The following CLASP2 variants were observed in gnomAD, a reference collection of about 807,000 sequenced individuals.
CLASP2 encodes the protein CLIP-associating protein 2.
In CLASP2, 47 loss-of-function variants were observed where a neutral mutation model predicts 194.4. The observed-to-expected ratio is 0.24, with a 90% CI of 0.19 to 0.31. CLASP2 has a LOEUF of 0.31. Among genes scored for constraint, CLASP2 ranks in the 10% least tolerant of loss-of-function variants. CLASP2 has a pLI of 1.00. For synonymous variants in CLASP2, 619 were observed against 633.5 expected, an observed-to-expected ratio of 0.98 and a Z score of 0.34; for missense variants, 1,445 against 1,823.6, an observed-to-expected ratio of 0.79 and a Z score of 3.78.
chr3:33,654,331 C>T (rs192983862), intron 7 of CLASP2, among the ~76,000 whole-genome samples: 13 of 152,088 alleles, frequency 8.5e-5, no homozygotes, highest in African/African-American at 2.9e-4. Context: ...AATGGAACCA[C>T]GGAAAAAGGA....
At chr3:33,568,381 C>G (rs1166543555) in intron 26 of CLASP2, among the ~76,000 whole-genome samples, 1 of 151,414 alleles carries the variant, frequency 6.6e-6, no homozygotes, top group Non-Finnish European at 1.5e-5. Flanking sequence ...GGTGAGAACC[C>G]GTCTCTACTA....
intron 34 of CLASP2, among the ~76,000 whole-genome samples, chr3:33,531,142 A>G (rs2056199328): frequency 1.3e-5 from 2 of 152,344 alleles, no homozygotes; most frequent in South Asian, 2.1e-4. Context: ...ACATAGAACA[A>G]GAATAGAATA....
intron 38 of CLASP2, 142 bp from the exon 39 acceptor site, chr3:33,498,859 G>T: frequency 2.3e-6 from 1 of 436,240 alleles, no homozygotes; most frequent in Non-Finnish European, 4.0e-6. Context: ...AGTTATTGTT[G>T]ATAATTAGGA....
At chr3:33,531,995 T>C (rs1260492868) in intron 34 of CLASP2, among the ~76,000 whole-genome samples, 1 of 152,114 alleles carries the variant, frequency 6.6e-6, no homozygotes, top group Non-Finnish European at 1.5e-5. Flanking sequence ...AGAACTACCA[T>C]ATGATCCAGC....
chr3:33,592,952 T>A (rs957996300), intron 20 of CLASP2, among the ~76,000 whole-genome samples: 5 of 152,198 alleles, frequency 3.3e-5, no homozygotes, highest in Non-Finnish European at 7.4e-5. Flanking sequence ...AAGGAAGAGA[T>A]ATAATTAGGC....
chr3:33,635,353 A>C (rs1023908140), intron 8 of CLASP2, among the ~76,000 whole-genome samples: 11 of 152,200 alleles, frequency 7.2e-5, no homozygotes, highest in African/African-American at 1.2e-4. Context: ...TGAAGTGTCC[A>C]GTCTTCCCTA....
At position 33,654,943 on chromosome 3, in the gene CLASP2, G is replaced by T. The variant is rs577747746; in HGVS notation, c.715+8502C>A. ...AGACTTTTGCCCTTTTATTTAAAGG[G>T]GTCCCTTAAAAATTCAAGACTTTGA... On this transcript the variant is annotated intron_variant, in intron 7 of 38. Transcript: ENST00000682230. 1.0e-3 allele frequency among the ~76,000 whole-genome samples: 152 copies of T among 151,896 alleles called. 1 individual carries two copies. Among genetic ancestry groups the T allele is most frequent in the Non-Finnish European group, 5.6e-4 (38 of 67,914 alleles).
chr3:33,510,809 T>C (rs761302663), intron 36 of CLASP2, 45 bp from the exon 37 acceptor site: 3 of 1,461,176 alleles, frequency 2.1e-6, no homozygotes, highest in Admixed American at 4.0e-5. Context: ...TTTTAAAATA[T>C]TACACTACAT....
At chr3:33,633,729 C>A (rs764038625) in intron 8 of CLASP2, among the ~76,000 whole-genome samples, 5 of 151,844 alleles carry the variant, frequency 3.3e-5, no homozygotes, top group African/African-American at 7.3e-5. Context: ...GGGGATGAAA[C>A]AATCTGAATT....
chr3:33,526,657 C>T (rs968509478), intron 34 of CLASP2, among the ~76,000 whole-genome samples: 2 of 152,106 alleles, frequency 1.3e-5, no homozygotes, highest in East Asian at 3.8e-4. Flanking sequence ...AACTCTCCAC[C>T]CCAAACCAAC....
chr3:33,557,806 A>G (rs1395801933), intron 29 of CLASP2, among the ~76,000 whole-genome samples: 5 of 152,224 alleles, frequency 3.3e-5, no homozygotes, highest in African/African-American at 1.2e-4. Flanking sequence ...AGAAAACAAC[A>G]TTATATTGAG....
intron 37 of CLASP2, among the ~76,000 whole-genome samples, chr3:33,509,985 C>T (rs1418235371): frequency 1.3e-5 from 2 of 151,814 alleles, no homozygotes; most frequent in Admixed American, 6.6e-5. Context: ...GGAAATAATC[C>T]AAATATTTAT....
intron 18 of CLASP2, among the ~76,000 whole-genome samples, chr3:33,598,046 C>A (rs929467355): frequency 2.6e-5 from 4 of 152,140 alleles, no homozygotes; most frequent in African/African-American, 9.7e-5. Context: ...AGCCACTGTG[C>A]CCAGCCCACA....
intron 34 of CLASP2, among the ~76,000 whole-genome samples, chr3:33,534,180 T>C (rs149187839): frequency 1.3e-3 from 191 of 152,340 alleles, no homozygotes; most frequent in African/African-American, 4.5e-3. Flanking sequence ...TTTATCTGTG[T>C]ATAGTTATAT....
chr3:33,546,997 G>GTATC (rs1430275942), intron 30 of CLASP2, among the ~76,000 whole-genome samples: 1 of 152,056 alleles, frequency 6.6e-6, no homozygotes, highest in East Asian at 1.9e-4. Context: ...TTATTTTCCT[G>GTATC]TATCTATTGA....
At chr3:33,529,944 G>A (rs939915430) in intron 34 of CLASP2, among the ~76,000 whole-genome samples, 13 of 134,558 alleles carry the variant, frequency 9.7e-5, no homozygotes, top group African/African-American at 3.3e-4. Context: ...CGCCACTGCG[G>A]TCCGCAGTCC....
At chr3:33,604,242 G>A (rs1355573327) in intron 16 of CLASP2, 33 bp from the exon 17 acceptor site, 2 of 1,452,330 alleles carry the variant, frequency 1.4e-6, no homozygotes, top group Non-Finnish European at 9.4e-7. Flanking sequence ...TTAGTAAGAA[G>A]ACAATTTAAC....
chr3:33,691,736 C>T (rs1292719624), intron 2 of CLASP2, among the ~76,000 whole-genome samples: 1 of 152,202 alleles, frequency 6.6e-6, no homozygotes, highest in Non-Finnish European at 1.5e-5. Flanking sequence ...TATTATTATG[C>T]ACTAACCACT....
chr3:33,687,276 T>C lies in CLASP2; in HGVS notation c.471-141A>G, dbSNP rs116406562. 1,068 of 567,666 alleles carry C rather than the reference T, an allele frequency of 1.9e-3. 7 individuals carry two copies. Among genetic ancestry groups the C allele is most frequent in the African/African-American group, 0.013 (662 of 51,742 alleles). 35.2% of individuals were successfully genotyped at this position (567,666 alleles called of 1,614,324 possible). Reference sequence around the variant, plus strand: ...ACACATCATTAAAACATGAAGGATATGAGACATAAGCAAAAAATAATTCTA... The same window carrying C: ...ACACATCATTAAAACATGAAGGATACGAGACATAAGCAAAAAATAATTCTA... On this transcript the variant is annotated intron_variant, in intron 4 of 38. Coordinates refer to ENST00000682230, the MANE Select transcript of CLASP2 (RefSeq NM_001365631.1).
Sources: allele counts gnomAD v4.1 joint callset (sites outside exome capture counted in the v4.1 genomes callset), GRCh38; gene constraint gnomAD v4.1.1; transcripts MANE v1.5; gene names NCBI Gene and HGNC (gene_info 2026-07-23, HGNC 2026-07-21).